The following KLF3 variants were observed in gnomAD, a reference collection of about 807,000 sequenced individuals.
The protein encoded by KLF3 is Krueppel-like factor 3.
In KLF3, 6 loss-of-function variants were observed where a neutral mutation model predicts 32.7. The observed-to-expected ratio is 0.18, with a 90% confidence interval of 0.10 to 0.36. The LOEUF is 0.36. Ranked by LOEUF, KLF3 falls within the 10% of genes least tolerant of loss-of-function variation. The pLI is 1.00. For synonymous variants in KLF3, 145 were observed against 172.8 expected, an observed-to-expected ratio of 0.84 and a Z score of 1.26; for missense variants, 338 against 449.7, an observed-to-expected ratio of 0.75 and a Z score of 2.25.
At chr4:38,686,971 A>G (rs558090263) in intron 2 of KLF3, among the ~76,000 whole-genome samples, 1 of 152,280 alleles carries the variant, frequency 6.6e-6, no homozygotes, top group Admixed American at 6.5e-5. Flanking sequence ...GAGAGGAAAG[A>G]GGGTGATCTC....
chr4:38,678,500 C>T (rs992008774), intron 1 of KLF3, among the ~76,000 whole-genome samples: 1 of 152,192 alleles, frequency 6.6e-6, no homozygotes, highest in Non-Finnish European at 1.5e-5. Context: ...GATTACAATA[C>T]ACCCTGTGAT....
At chr4:38,694,254 G>A (rs1455001642) in intron 4 of KLF3, among the ~76,000 whole-genome samples, 1 of 152,154 alleles carries the variant, frequency 6.6e-6, no homozygotes, top group Non-Finnish European at 1.5e-5. Flanking sequence ...CTGAGACTTA[G>A]GAGTTTGATC....
At chr4:38,668,783 C>A (rs1405868725) in intron 1 of KLF3, among the ~76,000 whole-genome samples, 1 of 152,162 alleles carries the variant, frequency 6.6e-6, no homozygotes, top group Non-Finnish European at 1.5e-5. Flanking sequence ...TTTCTTCTCT[C>A]TTTTGCAGGG....
chr4:38,688,464 A>G lies in KLF3; in HGVS notation c.58-121A>G. 1 of 1,004,042 alleles carries G rather than the reference A, an allele frequency of 1.0e-6. No homozygotes were observed. Among genetic ancestry groups the G allele is most frequent in the Non-Finnish European group, 1.5e-6 (1 of 686,098 alleles). 62.2% of individuals were successfully genotyped at this position (1,004,042 alleles called of 1,614,324 possible). On this transcript the variant is annotated intron_variant, in intron 2 of 5. Transcript: ENST00000261438. The surrounding 1 kb of genome is among the most constrained non-coding windows in gnomAD (Gnocchi z 4.9). ...TAAGGTCACATATATATCGAAATCT[A>G]AACTATTTTGTAAAGCCCATGTAAT...
At chr4:38,681,757 C>T (rs1722531385) in intron 2 of KLF3, among the ~76,000 whole-genome samples, 1 of 152,196 alleles carries the variant, frequency 6.6e-6, no homozygotes, top group Non-Finnish European at 1.5e-5. Flanking sequence ...AGGGGGAAAA[C>T]TTGGCCCGAG....
chr4:38,678,672 C>T (rs1258372790), intron 1 of KLF3, among the ~76,000 whole-genome samples: 1 of 152,090 alleles, frequency 6.6e-6, no homozygotes, highest in African/African-American at 2.4e-5. Flanking sequence ...CTTAGTATAA[C>T]CCGTAGAGCA....
chr4:38,695,197 TG>T (rs3214896), intron 5 of KLF3, among the ~76,000 whole-genome samples: 23,884 of 152,248 alleles, frequency 0.16, 2,242 homozygotes, highest in Middle Eastern at 0.3. Flanking sequence ...GCCGCTGGAA[TG>T]GGGGAAGTGC....
chr4:38,682,057 A>G, intron 2 of KLF3, among the ~76,000 whole-genome samples: 1 of 152,252 alleles, frequency 6.6e-6, no homozygotes, highest in Admixed American at 6.5e-5. Context: ...TTTATTAATC[A>G]AAAAACTAAA....
chr4:38,676,811 T>A (rs1382735359), intron 1 of KLF3, among the ~76,000 whole-genome samples: 1 of 152,216 alleles, frequency 6.6e-6, no homozygotes, highest in East Asian at 1.9e-4. Flanking sequence ...TCATTCCTTC[T>A]TTGTTTATTA....
chr4:38,694,600 G>T, intron 4 of KLF3, 146 bp from the exon 5 acceptor site: 1 of 700,244 alleles, frequency 1.4e-6, no homozygotes, highest in Non-Finnish European at 2.3e-6. Flanking sequence ...AGTGCTTCTT[G>T]GGTTGATCAG....
At chr4:38,665,135 C>T (rs1721986574) in intron 1 of KLF3, among the ~76,000 whole-genome samples, 1 of 152,088 alleles carries the variant, frequency 6.6e-6, no homozygotes, top group Non-Finnish European at 1.5e-5. Context: ...GGTTCTGGAG[C>T]CCAGGAGCTG....
chr4:38,670,025 T>G (rs1722156920), intron 1 of KLF3, among the ~76,000 whole-genome samples: 1 of 150,496 alleles, frequency 6.6e-6, no homozygotes, highest in Non-Finnish European at 1.5e-5. Flanking sequence ...TTTGTATCCG[T>G]TGGCCAGAGA....
intron 1 of KLF3, among the ~76,000 whole-genome samples, chr4:38,668,657 A>T (rs1425530420): frequency 1.3e-5 from 2 of 152,246 alleles, no homozygotes; most frequent in African/African-American, 4.8e-5. Context: ...TTTTAAGCTT[A>T]AAATTCATAA....
chr4:38,679,382 T>C (rs1003191533), intron 1 of KLF3, among the ~76,000 whole-genome samples: 1 of 152,242 alleles, frequency 6.6e-6, no homozygotes, highest in Non-Finnish European at 1.5e-5. Context: ...TGTTTATCTT[T>C]TATAACACAA....
At position 38,688,823 on chromosome 4, in the gene KLF3, C is replaced by T. The variant is rs1722781533; in HGVS notation, c.296C>T (p.Ser99Phe). The T allele has an allele frequency of 6.2e-7, 1 of 1,614,218 alleles. No homozygotes were observed. Among genetic ancestry groups the T allele is most frequent in the Non-Finnish European group, 8.5e-7 (1 of 1,180,026 alleles). The change falls in exon 3 of 6, where the codon TCT becomes TTT. Residue 99 changes from serine (S) to phenylalanine (F), a missense_variant. Around this residue, in one of 2 missense-constraint regions of KLF3, gnomAD observed 272 missense variants for 313.4 expected, o/e 0.87. Transcript: ENST00000261438. This position sits in a 1 kb window ranked among gnomAD's most constrained non-coding sequence, Gnocchi z 4.9. ...GCCTCGCCTGGGTTGAGCATGCCTT[C>T]TTCCAGCCCACCGATAAAAAAATAC... is the stretch of plus-strand genomic sequence containing the variant. ...RRASPGLSMP[S>F]SSPPIKKYSP...
In KLF3 at chr4:38,698,249, TC is replaced by T. The variant is rs1245174323; in HGVS notation, c.*987del. ...TTGCCCAGTAATGGTAAGAAATCTT[TC>T]GGGTAAGAGTATGGATGGTTCTTCT... On this transcript the variant is annotated 3_prime_UTR_variant, in exon 6 of 6. Transcript: ENST00000261438. 1 of 152,474 alleles carries T rather than the reference TC, an allele frequency of 6.6e-6. No homozygotes were observed. The highest frequency in any genetic ancestry group is 2.4e-5 in the African/African-American group (1 of 41,462). The allele number at this position is 152,474 out of a possible 1,614,324, so 9.4% of individuals were successfully genotyped here. A position where few individuals can be genotyped will look rare whatever the true frequency, so the allele number is the denominator to read the frequency against.
Position 38,697,514 on chromosome 4 carries a change from A to T in KLF3, c.*251A>T. Reference sequence around the variant, plus strand: ...TTTTTTTTTCTGGGGATGCTAAGCAAACCCTTCTTACAGATACGTTTAATG... The same window carrying T: ...TTTTTTTTTCTGGGGATGCTAAGCATACCCTTCTTACAGATACGTTTAATG... On this transcript the variant is annotated 3_prime_UTR_variant, in exon 6 of 6. Coordinates refer to ENST00000261438, the MANE Select transcript of KLF3 (RefSeq NM_016531.6). 1 of 389,636 alleles carries T rather than the reference A, an allele frequency of 2.6e-6. No individual in the cohort carries two copies. Among genetic ancestry groups the T allele is most frequent in the Non-Finnish European group, 4.6e-6 (1 of 217,614 alleles). The allele number at this position is 389,636 out of a possible 1,614,324, so 24.1% of individuals were successfully genotyped here.
chr4:38,686,934 G>A (rs1417682011), intron 2 of KLF3, among the ~76,000 whole-genome samples: 1 of 152,216 alleles, frequency 6.6e-6, no homozygotes, highest in Admixed American at 6.5e-5. Context: ...TGCATAACCA[G>A]CCGAGGATTC....
intron 1 of KLF3, among the ~76,000 whole-genome samples, chr4:38,679,808 A>AAG (rs1335887190): frequency 6.6e-6 from 1 of 152,212 alleles, no homozygotes; most frequent in Non-Finnish European, 1.5e-5. Context: ...CCCAGTTTTA[A>AAG]AGAGGGTTTG....
Sources: gnomAD v4.1 joint callset for allele counts (sites outside exome capture counted in the v4.1 genomes callset) on GRCh38, gnomAD v4.1.1 for gene constraint, gnomAD v4.1.1 regional missense constraint, Gnocchi (gnomAD v3.1) non-coding constraint, MANE v1.5 for transcripts, NCBI Gene and HGNC (gene_info 2026-07-23, HGNC 2026-07-21) for gene names.